YAP1: variants seen among roughly 807,000 people sequenced by gnomAD.
The protein encoded by YAP1 is Yes1 associated transcriptional regulator.
Under a neutral mutation model 56.9 loss-of-function variants are expected in YAP1, and 5 were observed. The observed-to-expected ratio is 0.09, with a 90% confidence interval of 0.05 to 0.18. YAP1 has a LOEUF of 0.18. YAP1 is among the 10% of genes least tolerant of loss of function. The pLI is 1.00. For synonymous variants in YAP1, 265 were observed against 248.1 expected (o/e 1.07, Z -0.64); for missense variants, 539 against 651.8 (o/e 0.83, Z 1.88).
chr11:102,229,642 A>C, intron 8 of YAP1, 60 bp from the exon 9 acceptor site: 2 of 1,507,798 alleles, frequency 1.3e-6, no homozygotes, highest in Non-Finnish European at 9.2e-7. Flanking sequence ...TGCTCATATG[A>C]TACAGCCCTG....
rs183395913 is a variant in YAP1 at position 102,131,494 on chromosome 11, A to G, written c.572+17100A>G. Among the ~76,000 whole-genome samples, 300 of 152,328 alleles carry G rather than the reference A, an allele frequency of 2.0e-3. 8 individuals carry two copies. The highest frequency in any genetic ancestry group is 9.1e-4 in the Non-Finnish European group (62 of 68,022). On this transcript the variant is annotated intron_variant, in intron 2 of 8. Coordinates refer to ENST00000282441, the MANE Select transcript of YAP1 (RefSeq NM_001130145.3). ...CCTCACGATTGAGGCTATGAGTTCAATAAAGAGAGATCTTGCTGTCTTTGT... is the reference window on the plus strand; with the variant it reads ...CCTCACGATTGAGGCTATGAGTTCAGTAAAGAGAGATCTTGCTGTCTTTGT...
intron 4 of YAP1, among the ~76,000 whole-genome samples, chr11:102,187,122 G>A (rs1948009547): frequency 6.6e-6 from 1 of 151,982 alleles, no homozygotes; most frequent in African/African-American, 2.4e-5. Context: ...AACCCTGCGG[G>A]GGGAAAAAAG....
At chr11:102,190,808 C>T (rs551330355) in intron 4 of YAP1, among the ~76,000 whole-genome samples, 335 of 151,968 alleles carry the variant, frequency 2.2e-3, no homozygotes, top group Non-Finnish European at 2.8e-3. Flanking sequence ...TGATGGCACA[C>T]GCCTATAATC....
intron 2 of YAP1, among the ~76,000 whole-genome samples, chr11:102,129,012 C>T (rs1944212252): frequency 6.6e-6 from 1 of 152,144 alleles, no homozygotes; most frequent in African/African-American, 2.4e-5. Flanking sequence ...TCTCCTGACA[C>T]TGTCTCTTTC....
At chr11:102,229,681 A>T in intron 8 of YAP1, 21 bp from the exon 9 acceptor site, 1 of 1,605,468 alleles carries the variant, frequency 6.2e-7, no homozygotes, top group Non-Finnish European at 8.5e-7. Context: ...GGACTTTGTT[A>T]TCTCTGTGTG....
chr11:102,193,202 A>G (rs1948388342), intron 4 of YAP1, among the ~76,000 whole-genome samples: 1 of 152,232 alleles, frequency 6.6e-6, no homozygotes, highest in African/African-American at 2.4e-5. Context: ...GTTAGTAATT[A>G]TTGCTCTCAC....
chr11:102,120,965 T>A (rs1427664748), intron 2 of YAP1, among the ~76,000 whole-genome samples: 1 of 152,218 alleles, frequency 6.6e-6, no homozygotes, highest in Non-Finnish European at 1.5e-5. Context: ...GTGGATTTTT[T>A]TTTCCTGTAT....
chr11:102,190,862 G>A (rs11225159), intron 4 of YAP1, among the ~76,000 whole-genome samples: 10,213 of 152,050 alleles, frequency 0.067, 485 homozygotes, highest in South Asian at 0.19. Context: ...ACTTGAACCC[G>A]GTAGGCAGAG....
chr11:102,229,446 T>C (rs1378185106), intron 8 of YAP1, among the ~76,000 whole-genome samples: 2 of 152,208 alleles, frequency 1.3e-5, no homozygotes, highest in African/African-American at 4.8e-5. Flanking sequence ...TTTATTTTTT[T>C]CATGACTCCT....
At position 102,232,118 on chromosome 11, in the gene YAP1, G is replaced by A. The variant is rs1415454137; in HGVS notation, c.*2178G>A. 2 of 152,012 alleles carry A rather than the reference G, an allele frequency of 1.3e-5. No homozygotes were observed. The highest frequency in any genetic ancestry group is 2.9e-5 in the Non-Finnish European group (2 of 67,980). 9.4% of individuals were successfully genotyped at this position (152,012 alleles called of 1,614,324 possible). A position where few individuals can be genotyped will look rare whatever the true frequency, so the allele number is the denominator to read the frequency against. On this transcript the variant is annotated 3_prime_UTR_variant, in exon 9 of 9. Coordinates refer to ENST00000282441, the MANE Select transcript of YAP1 (RefSeq NM_001130145.3). ...AAATTCTACCTAGAATGCAAAATTG[G>A]GTATATGAATTACATAGCATGTTGT...
intron 2 of YAP1, among the ~76,000 whole-genome samples, chr11:102,134,735 G>A (rs996053440): frequency 3.3e-5 from 5 of 151,944 alleles, no homozygotes; most frequent in South Asian, 4.2e-4. Context: ...GAGAGATAGG[G>A]TCTCACTCTG....
At chr11:102,123,060 C>G (rs1333783095) in intron 2 of YAP1, among the ~76,000 whole-genome samples, 1 of 151,974 alleles carries the variant, frequency 6.6e-6, no homozygotes, top group Non-Finnish European at 1.5e-5. Flanking sequence ...TGTTACATTG[C>G]TATTTCTTGA....
rs189956161 is a variant in YAP1, at chr11:102,208,259, C to G, written c.985-1258C>G. ...CAAAATGGCGTCATTTCCCTCATGT[C>G]CCCTTCCCCTGTGAAGAAGGGTATT... On this transcript the variant is annotated intron_variant, in intron 5 of 8. Coordinates refer to ENST00000282441, the MANE Select transcript of YAP1 (RefSeq NM_001130145.3). 2.6e-5 allele frequency among the ~76,000 whole-genome samples: 4 copies of G among 152,262 alleles called. No individual in the cohort carries two copies. In the East Asian group the frequency reaches 7.7e-4, roughly 29 times the overall value.
chr11:102,192,970 C>A (rs1003054141), intron 4 of YAP1, among the ~76,000 whole-genome samples: 2 of 152,316 alleles, frequency 1.3e-5, no homozygotes, highest in East Asian at 3.9e-4. Context: ...GCTTTGTCCA[C>A]ACTCTCAAAC....
At chr11:102,204,732 A>C (rs1333937500) in intron 4 of YAP1, among the ~76,000 whole-genome samples, 1 of 152,196 alleles carries the variant, frequency 6.6e-6, no homozygotes, top group Admixed American at 6.5e-5. Context: ...TTTTTGTAGC[A>C]AGGTTTATAT....
At chr11:102,188,823 T>G (rs990385561) in intron 4 of YAP1, among the ~76,000 whole-genome samples, 3 of 151,306 alleles carry the variant, frequency 2.0e-5, no homozygotes, top group Non-Finnish European at 2.9e-5. Context: ...TGACTATATT[T>G]ATAGTATCAA....
chr11:102,158,643 C>A (rs1051812522), intron 2 of YAP1, among the ~76,000 whole-genome samples: 3 of 152,128 alleles, frequency 2.0e-5, no homozygotes, highest in Non-Finnish European at 4.4e-5. Flanking sequence ...TATCACAGTA[C>A]CAGTATCAAT....
chr11:102,203,585 T>C (rs185321409), intron 4 of YAP1, among the ~76,000 whole-genome samples: 50 of 152,356 alleles, frequency 3.3e-4, no homozygotes, highest in Admixed American at 3.3e-3. Flanking sequence ...ATTGGCCATG[T>C]ATTAACAATT....
intron 7 of YAP1, among the ~76,000 whole-genome samples, chr11:102,224,199 G>T (rs17097551): frequency 6.6e-6 from 1 of 152,140 alleles, no homozygotes; most frequent in Non-Finnish European, 1.5e-5. Context: ...GTTCTTAAGG[G>T]CTATAGTCCA....
Sources: gnomAD v4.1 joint callset for allele counts (sites outside exome capture counted in the v4.1 genomes callset) on GRCh38, gnomAD v4.1.1 for gene constraint, MANE v1.5 for transcripts, NCBI Gene and HGNC (gene_info 2026-07-23, HGNC 2026-07-21) for gene names.